Variants in OSTN observed in about 807,000 individuals in gnomAD.
OSTN encodes the protein osteocrin.
A neutral mutation model predicts 12.0 loss-of-function variants in OSTN; 9 were observed. The ratio of observed to expected loss-of-function variants is 0.75; its 90% confidence interval spans 0.45 to 1.30. OSTN has a LOEUF of 1.30. OSTN is among the 50% of genes most tolerant of loss of function. The pLI, the probability that OSTN is intolerant of heterozygous loss-of-function variation, is 0.00. For synonymous variants in OSTN, 59 were observed against 56.9 expected (o/e 1.04, Z -0.16); for missense variants, 148 against 152.3 (o/e 0.97, Z 0.15).
intron 2 of OSTN, 136 bp downstream of exon 2, chr3:191,212,770 CA>C (rs1560114121): frequency 5.9e-5 from 10 of 168,936 alleles, no homozygotes; most frequent in Non-Finnish European, 1.2e-4. Context: ...TATATCATAT[CA>C]TATATTTTAT....
intron 3 of OSTN, among the ~76,000 whole-genome samples, chr3:191,219,392 C>G (rs1486265971): frequency 6.6e-6 from 1 of 152,188 alleles, no homozygotes; most frequent in African/African-American, 2.4e-5. Flanking sequence ...GTGACAAGTT[C>G]TCAGAACGTG....
At chr3:191,246,604 C>A (rs1479008866) in intron 3 of OSTN, among the ~76,000 whole-genome samples, 161 of 106,696 alleles carry the variant, frequency 1.5e-3, no homozygotes, top group Non-Finnish European at 1.5e-3. Context: ...GACCCTGTAT[C>A]AAAAAAAAAA....
intron 3 of OSTN, among the ~76,000 whole-genome samples, chr3:191,235,779 T>G (rs1437099535): frequency 1.3e-5 from 2 of 152,148 alleles, no homozygotes; most frequent in Non-Finnish European, 2.9e-5. Flanking sequence ...AGGCTGACTC[T>G]CTCCACATGC....
intron 2 of OSTN, among the ~76,000 whole-genome samples, chr3:191,216,613 GA>G (rs1399462223): frequency 6.6e-6 from 1 of 152,176 alleles, no homozygotes; most frequent in African/African-American, 2.4e-5. Context: ...TTGCTGCTTA[GA>G]AATTTCTTCT....
chr3:191,231,822 A>T (rs941409041), intron 3 of OSTN, among the ~76,000 whole-genome samples: 4 of 152,322 alleles, frequency 2.6e-5, no homozygotes, highest in African/African-American at 9.6e-5. Context: ...ACTTTGTGTC[A>T]TATGTCACTA....
rs1467278564 is a variant in OSTN at position 191,252,218 on chromosome 3, C to G, written c.*12+2085C>G. Among the ~76,000 whole-genome samples the G allele has an allele frequency of 2.0e-5, 3 of 152,284 alleles. No individual in the cohort carries two copies. In the East Asian group the frequency reaches 5.8e-4, roughly 29 times the overall value. ...GGGACTACAGGCGTGCGCCACCACG[C>G]CCAGTTACTTTTTTAAAAATATATT... On this transcript the variant is annotated intron_variant, in intron 4 of 4. Coordinates refer to ENST00000682035, the MANE Select transcript of OSTN (RefSeq NM_198184.2).
rs372266075 is a variant in OSTN at position 191,212,622 on chromosome 3, A to C, written c.90A>C (p.Val30=). The change falls in exon 2 of 5, where the codon GTA becomes GTC. Residue 30 remains valine, a synonymous_variant. Transcript: ENST00000682035. ...CAGGAAAAGTCCTCTCAGTAGATGTAACAACAACAGAGGTAATGGAAACTA... is the reference window on the plus strand; with the variant it reads ...CAGGAAAAGTCCTCTCAGTAGATGTCACAACAACAGAGGTAATGGAAACTA... ...WSSGKVLSVD[V]TTTEAFDSGV... 3.9e-6 allele frequency: 6 copies of C among 1,551,918 alleles called. No homozygotes were observed. Among genetic ancestry groups the C allele is most frequent in the Non-Finnish European group, 5.3e-6 (6 of 1,139,874 alleles).
chr3:191,248,602 G>A (rs1715489825), intron 3 of OSTN, among the ~76,000 whole-genome samples: 1 of 152,156 alleles, frequency 6.6e-6, no homozygotes, highest in Non-Finnish European at 1.5e-5. Flanking sequence ...TAGATACTAA[G>A]TCCTACATCA....
chr3:191,224,672 C>T (rs1714866124), intron 3 of OSTN, among the ~76,000 whole-genome samples: 1 of 151,786 alleles, frequency 6.6e-6, no homozygotes, highest in Non-Finnish European at 1.5e-5. Flanking sequence ...TATAGTAAAA[C>T]TAGAAATTAA....
chr3:191,209,199 T>C (rs1714358233), intron 1 of OSTN, among the ~76,000 whole-genome samples: 1 of 152,032 alleles, frequency 6.6e-6, no homozygotes, highest in South Asian at 2.1e-4. Context: ...AAATATGAAA[T>C]CATTTTAAAA....
intron 4 of OSTN, among the ~76,000 whole-genome samples, chr3:191,258,717 G>A (rs1246708883): frequency 6.6e-6 from 1 of 150,968 alleles, no homozygotes; most frequent in African/African-American, 2.4e-5. Flanking sequence ...AAAGAGGAAA[G>A]CACCATGGAA....
intron 3 of OSTN, among the ~76,000 whole-genome samples, chr3:191,240,929 T>C (rs1362799869): frequency 2.6e-5 from 4 of 152,206 alleles, no homozygotes; most frequent in African/African-American, 9.6e-5. Flanking sequence ...CACAATAGTC[T>C]ATTGATTAGA....
intron 3 of OSTN, among the ~76,000 whole-genome samples, chr3:191,241,477 C>A (rs1217486880): frequency 6.6e-6 from 1 of 151,750 alleles, no homozygotes; most frequent in Non-Finnish European, 1.5e-5. Context: ...AGCCAACGCG[C>A]CTGGCCAGCT....
At chr3:191,232,996 T>C (rs1037722110) in intron 3 of OSTN, among the ~76,000 whole-genome samples, 4 of 152,174 alleles carry the variant, frequency 2.6e-5, no homozygotes, top group African/African-American at 9.7e-5. Context: ...CCCTGAATTA[T>C]ATTGCTCCAT....
At chr3:191,255,706 C>A (rs990765594) in intron 4 of OSTN, among the ~76,000 whole-genome samples, 1 of 151,576 alleles carries the variant, frequency 6.6e-6, no homozygotes, top group Non-Finnish European at 1.5e-5. Flanking sequence ...ATATAAATAG[C>A]CCTAAAAAAA....
chr3:191,222,569 C>T (rs1167857699), intron 3 of OSTN, among the ~76,000 whole-genome samples: 1 of 152,150 alleles, frequency 6.6e-6, no homozygotes, highest in Non-Finnish European at 1.5e-5. Context: ...AGAGAACTGC[C>T]TTGTCTCAAA....
chr3:191,262,731 T>C (rs1715840842), intron 4 of OSTN, 135 bp from the exon 5 acceptor site: 1 of 538,042 alleles, frequency 1.9e-6, no homozygotes, highest in Non-Finnish European at 3.3e-6. Context: ...AAATAAAAAA[T>C]TGCCATGTAA....
At chr3:191,231,972 T>C (rs376886591) in intron 3 of OSTN, among the ~76,000 whole-genome samples, 11 of 151,958 alleles carry the variant, frequency 7.2e-5, no homozygotes, top group African/African-American at 2.7e-4. Flanking sequence ...ATAAAACATA[T>C]ACATAAAATA....
At chr3:191,239,936 C>T (rs372509131) in intron 3 of OSTN, among the ~76,000 whole-genome samples, 2 of 152,252 alleles carry the variant, frequency 1.3e-5, no homozygotes, top group African/African-American at 4.8e-5. Flanking sequence ...AAAAGTCTGT[C>T]TAATACAGGG....
Sources: allele counts gnomAD v4.1 joint callset (sites outside exome capture counted in the v4.1 genomes callset), GRCh38; gene constraint gnomAD v4.1.1; transcripts MANE v1.5; gene names NCBI Gene and HGNC (gene_info 2026-07-23, HGNC 2026-07-21).